HSPB8: variants seen among roughly 807,000 people sequenced by gnomAD.
HSPB8 encodes heat shock protein family B (small) member 8, also known as heat shock protein beta-8.
HSPB8 carries 9 observed loss-of-function variants against 16.5 expected under a neutral mutation model. The observed-to-expected ratio is 0.55, with a 90% CI of 0.33 to 0.95. HSPB8 has a LOEUF of 0.95. Ranked by LOEUF, HSPB8 falls within the 40% of genes least tolerant of loss-of-function variation. The pLI is 0.03. For missense variants in HSPB8, 238 were observed against 251.2 expected (o/e 0.95, Z 0.35); for synonymous variants, 99 against 94.8 (o/e 1.04, Z -0.26).
At chr12:119,179,723 G>A (rs1565927149) in intron 1 of HSPB8, 44 bp downstream of exon 1, 3 of 1,538,658 alleles carry the variant, frequency 1.9e-6, no homozygotes, top group East Asian at 4.5e-5. Context: ...AGGCCGGGAT[G>A]TAGCCCTCAG....
chr12:119,190,647 G>GT (rs959013615), intron 2 of HSPB8, among the ~76,000 whole-genome samples: 102 of 151,468 alleles, frequency 6.7e-4, no homozygotes, highest in Non-Finnish European at 5.9e-4. Context: ...TTTACTAAAG[G>GT]TTTTTTTTTC....
intron 1 of HSPB8, among the ~76,000 whole-genome samples, chr12:119,183,954 A>G (rs1358032751): frequency 1.3e-5 from 2 of 152,228 alleles, no homozygotes; most frequent in Non-Finnish European, 2.9e-5. Context: ...ACAACTTCCA[A>G]AGCCATTCTG....
chr12:119,193,819 C>T lies in HSPB8; in HGVS notation c.552C>T (p.Asn184=), dbSNP rs112052602. 4,489 of 1,614,148 alleles carry T rather than the reference C, an allele frequency of 2.8e-3. 106 individuals carry two copies. The African/African-American group carries it at 0.049, about 18-fold the overall frequency. ...YSTFGESSFN[N]ELPQDSQEVT... is the part of the protein sequence containing the mutation. Reference sequence around the variant, plus strand: ...CATTTGGAGAGAGCAGTTTCAACAACGAGCTTCCCCAGGACAGCCAGGAAG... The same window carrying T: ...CATTTGGAGAGAGCAGTTTCAACAATGAGCTTCCCCAGGACAGCCAGGAAG... Residue 184 remains asparagine (N), a synonymous_variant, in exon 3 of 3, where the codon AAC becomes AAT. Coordinates refer to ENST00000281938, the MANE Select transcript of HSPB8 (RefSeq NM_014365.3).
At chr12:119,182,994 C>T (rs1194630146) in intron 1 of HSPB8, 1 of 152,190 alleles carries the variant, frequency 6.6e-6, no homozygotes, top group African/African-American at 2.4e-5. Flanking sequence ...AATCCCACAG[C>T]CTCTGGAGCC....
At chr12:119,185,306 C>G (rs1401112174) in intron 1 of HSPB8, among the ~76,000 whole-genome samples, 1 of 151,724 alleles carries the variant, frequency 6.6e-6, no homozygotes, top group East Asian at 1.9e-4. Flanking sequence ...AGGCACACAC[C>G]ATCACACCTG....
At chr12:119,184,727 A>T (rs1229179630) in intron 1 of HSPB8, among the ~76,000 whole-genome samples, 2 of 151,976 alleles carry the variant, frequency 1.3e-5, no homozygotes, top group Non-Finnish European at 2.9e-5. Context: ...TCCTCAGTTA[A>T]TCCTAAAGAA....
At chr12:119,179,773 T>C in intron 1 of HSPB8, 94 bp downstream of exon 1, 3 of 1,484,576 alleles carry the variant, frequency 2.0e-6, no homozygotes, top group East Asian at 2.3e-5. Context: ...GGAGCTGACG[T>C]TGGGACAGTG....
chr12:119,182,036 T>C (rs1159074227), intron 1 of HSPB8: 2 of 152,224 alleles, frequency 1.3e-5, no homozygotes, highest in Non-Finnish European at 2.9e-5. Context: ...GGAGACCCTC[T>C]GTCCAGCCTG....
Sources: allele counts gnomAD v4.1 joint callset (sites outside exome capture counted in the v4.1 genomes callset), GRCh38; gene constraint gnomAD v4.1.1; transcripts MANE v1.5; gene names NCBI Gene and HGNC (gene_info 2026-07-23, HGNC 2026-07-21).